Variants in ZFP64 observed in about 807,000 individuals in gnomAD.
The protein encoded by ZFP64 is zinc finger protein 64.
In ZFP64, 14 loss-of-function variants were observed where a neutral mutation model predicts 51.6. The ratio of observed to expected loss-of-function variants is 0.27; its 90% confidence interval spans 0.18 to 0.42. The LOEUF is 0.42. Among genes scored for constraint, ZFP64 ranks in the 10% least tolerant of loss-of-function variants. The pLI is 1.00. For missense variants in ZFP64, 754 were observed against 906.8 expected (o/e 0.83, Z 2.16); for synonymous variants, 375 against 361.4 (o/e 1.04, Z -0.43).
chr20:52,152,474 G>T lies in ZFP64; in HGVS notation c.1718C>A (p.Thr573Asn), dbSNP rs777288666. 1 of 1,613,008 alleles carries T rather than the reference G, an allele frequency of 6.2e-7. No individual in the cohort carries two copies. The highest frequency in any genetic ancestry group is 1.1e-5 in the South Asian group (1 of 91,064). The change falls in exon 6 of 6, where the codon ACC becomes AAC. Residue 573 changes from threonine to asparagine, a missense_variant. Coordinates refer to ENST00000216923, the MANE Select transcript of ZFP64 (RefSeq NM_018197.3). Reference sequence around the variant, plus strand: ...AGTGGCTCCGTCCGTCTGCTCGTGGGTGGTCAGCAGGACAGCCGGCTGGGT... The same window carrying T: ...AGTGGCTCCGTCCGTCTGCTCGTGGTTGGTCAGCAGGACAGCCGGCTGGGT... Reference protein sequence around the residue: ...AMTQPAVLLTTHEQTDGATLH... With the variant: ...AMTQPAVLLTNHEQTDGATLH...
At chr20:52,147,889 C>T (rs1252238331), downstream of ZFP64, among the ~76,000 whole-genome samples, 3 of 152,054 alleles carry the variant, frequency 2.0e-5, no homozygotes, top group African/African-American at 7.2e-5. Flanking sequence ...GGCATGGTGG[C>T]AGGCGCCTGT....
chr20:52,105,098 A>G, intron 5 of ZFP64: 2 of 1,392,850 alleles, frequency 1.4e-6, no homozygotes, highest in Non-Finnish European at 9.2e-7. Context: ...ACCGGCCCCC[A>G]GCCCCCGGGC....
chr20:52,141,108 A>G (rs564196215), intron 5 of ZFP64, among the ~76,000 whole-genome samples: 1 of 152,312 alleles, frequency 6.6e-6, no homozygotes, highest in African/African-American at 2.4e-5. Flanking sequence ...GGTTCCTTCC[A>G]CAATATTACT....
At chr20:52,123,426 T>C (rs1306168973) in intron 5 of ZFP64, among the ~76,000 whole-genome samples, 3 of 152,198 alleles carry the variant, frequency 2.0e-5, no homozygotes, top group South Asian at 2.1e-4. Flanking sequence ...AACTTCATTG[T>C]TGTCTTATTT....
chr20:52,084,432 T>C (rs1363178658), exon 9 of ZFP64: 3 of 940,480 alleles, frequency 3.2e-6, no homozygotes, highest in Non-Finnish European at 4.6e-6. Flanking sequence ...TGAAGGCCTG[T>C]GAAGTTGGAG....
In ZFP64 at chr20:52,152,301, C is replaced by T. The variant is rs149755369; in HGVS notation, c.1891G>A (p.Val631Met). 100 of 1,614,092 alleles carry T rather than the reference C, an allele frequency of 6.2e-5. No homozygotes were observed. The highest frequency in any genetic ancestry group is 9.9e-5 in the South Asian group (9 of 91,090). ...IQEGTAEVTV[V>M]SDGGQNIAVA... ...GCGATGTTCTGGCCTCCATCGCTCA[C>T]CACTGTCACTTCTGCTGTCCCCTCC... Residue 631 changes from valine (V) to methionine (M), a missense_variant, in exon 6 of 6, where the codon GTG (valine) becomes ATG (methionine). By Grantham distance (21) the Val-to-Met change is conservative (BLOSUM62 1). Transcript: ENST00000216923.
intron 5 of ZFP64, among the ~76,000 whole-genome samples, chr20:52,115,854 G>C (rs1326862139): frequency 6.6e-6 from 1 of 151,370 alleles, no homozygotes; most frequent in Non-Finnish European, 1.5e-5. Context: ...CTCTTTTTTA[G>C]ATGGAGTTTT....
At chr20:52,097,907 TAA>T (rs67721947) in intron 6 of ZFP64, among the ~76,000 whole-genome samples, 10 of 150,920 alleles carry the variant, frequency 6.6e-5, no homozygotes, top group Non-Finnish European at 8.9e-5. Context: ...GCCCCCTATT[TAA>T]AAAAAAAAAT....
chr20:52,175,980 G>A (rs941811530), intron 2 of ZFP64: 1 of 985,250 alleles, frequency 1.0e-6, no homozygotes, highest in African/African-American at 1.7e-5. Flanking sequence ...CGGCCCAAAT[G>A]TCCCTCCCCA....
At chr20:52,088,871 G>T in intron 7 of ZFP64, 1 of 692,340 alleles carries the variant, frequency 1.4e-6, no homozygotes, top group Non-Finnish European at 2.5e-6. Context: ...CTGATTGATG[G>T]AGAAAATTAC....
chr20:52,184,219 A>T lies in ZFP64; in HGVS notation c.286+2613T>A, dbSNP rs552662798. On this transcript the variant is annotated intron_variant, in intron 2 of 5. Coordinates refer to ENST00000216923, the MANE Select transcript of ZFP64 (RefSeq NM_018197.3). ...ATTCTCTGAGAATAAGCTAGAAGAA[A>T]CTTATGGACTCAGTCAGGCTCAGAG... 7.2e-5 allele frequency among the ~76,000 whole-genome samples: 11 copies of T among 152,324 alleles called. No homozygotes were observed. In the South Asian group the frequency reaches 2.3e-3, roughly 32 times the overall value.
chr20:52,091,942 A>G (rs2078932285), intron 7 of ZFP64, among the ~76,000 whole-genome samples: 1 of 151,906 alleles, frequency 6.6e-6, no homozygotes, highest in African/African-American at 2.4e-5. Context: ...GTGAGCCAAG[A>G]TTGCACCATT....
rs185516436 is a variant in ZFP64 at position 52,177,803 on chromosome 20, C to T, written c.286+9029G>A. On this transcript the variant is annotated intron_variant, in intron 2 of 5. Transcript: ENST00000216923. Reference sequence around the variant, plus strand: ...ATCCCAACACTTTGGGAGGCTGAGGCGGGCAGATCACGAGGTCAGGAGTTG... The same window carrying T: ...ATCCCAACACTTTGGGAGGCTGAGGTGGGCAGATCACGAGGTCAGGAGTTG... Among the ~76,000 whole-genome samples the T allele has an allele frequency of 3.5e-3, 535 of 152,192 alleles. 6 individuals carry two copies. Among genetic ancestry groups the T allele is most frequent in the African/African-American group, 0.012 (504 of 41,532 alleles).
At chr20:52,157,036 C>A (rs1272106713) in intron 5 of ZFP64, among the ~76,000 whole-genome samples, 3 of 152,176 alleles carry the variant, frequency 2.0e-5, no homozygotes, top group Non-Finnish European at 4.4e-5. Context: ...GCCAGCTTCT[C>A]CAGCCAGCTT....
chr20:52,153,275 A>T lies in ZFP64; in HGVS notation c.917T>A (p.Ile306Asn). 6.2e-7 allele frequency: 1 copy of T among 1,614,104 alleles called. No individual in the cohort carries two copies. Among genetic ancestry groups the T allele is most frequent in the Non-Finnish European group, 8.5e-7 (1 of 1,180,002 alleles). The change falls in exon 6 of 6, where the codon ATC becomes AAC. Residue 306 changes from isoleucine to asparagine, a missense_variant. Around this residue, in one of 3 missense-constraint regions of ZFP64, gnomAD observed 231 missense variants for 336.7 expected, o/e 0.69. Transcript: ENST00000216923. The surrounding 1 kb of genome is among the most constrained non-coding windows in gnomAD (Gnocchi z 5.1). ...CTMKGNLKSH[I>N]RIKHSGNNFK... ...GTTATTCCCGCTGTGCTTGATACGG[A>T]TGTGCGACTTGAGGTTCCCCTTCAT...
At chr20:52,166,730 C>G (rs1458488532) in intron 2 of ZFP64, among the ~76,000 whole-genome samples, 2 of 152,100 alleles carry the variant, frequency 1.3e-5, no homozygotes, top group Admixed American at 6.6e-5. Context: ...TGTTAACTAC[C>G]ATGCCTGCCC....
chr20:52,117,911 T>C (rs1978963825), intron 5 of ZFP64, among the ~76,000 whole-genome samples: 1 of 151,984 alleles, frequency 6.6e-6, no homozygotes. Flanking sequence ...TCCTCCTGCC[T>C]CAGCTTCCTG....
chr20:52,149,393 T>C (rs1456346877), downstream of ZFP64, among the ~76,000 whole-genome samples: 1 of 152,106 alleles, frequency 6.6e-6, no homozygotes, highest in Non-Finnish European at 1.5e-5. Flanking sequence ...GCCTGGCATG[T>C]CTCTAACACT....
intron 4 of ZFP64, among the ~76,000 whole-genome samples, chr20:52,162,627 A>G (rs1382093186): frequency 6.6e-6 from 1 of 152,122 alleles, no homozygotes; most frequent in Non-Finnish European, 1.5e-5. Context: ...ACTCTGTCTC[A>G]AAAAAACAAA....
Sources: gnomAD v4.1 joint callset for allele counts (sites outside exome capture counted in the v4.1 genomes callset) on GRCh38, gnomAD v4.1.1 for gene constraint, gnomAD v4.1.1 regional missense constraint, Gnocchi (gnomAD v3.1) non-coding constraint, MANE v1.5 for transcripts, NCBI Gene and HGNC (gene_info 2026-07-23, HGNC 2026-07-21) for gene names.